The following KHDRBS2 variants were observed in gnomAD, a reference collection of about 807,000 sequenced individuals.
The protein encoded by KHDRBS2 is KH RNA binding domain containing, signal transduction associated 2.
Under a neutral mutation model 44.3 loss-of-function variants are expected in KHDRBS2, and 26 were observed. The observed-to-expected ratio is 0.59, with a 90% CI of 0.43 to 0.81. The LOEUF (loss-of-function observed/expected upper bound fraction) is 0.81, where lower values mean the gene tolerates loss of function less well. Ranked by LOEUF, KHDRBS2 falls within the 40% of genes least tolerant of loss-of-function variation. The pLI, the probability that KHDRBS2 is intolerant of heterozygous loss-of-function variation, is 0.00. For synonymous variants in KHDRBS2, 194 were observed against 151.1 expected (o/e 1.28, Z -2.08); for missense variants, 476 against 433.1 (o/e 1.10, Z -0.88).
intron 2 of KHDRBS2, among the ~76,000 whole-genome samples, chr6:62,088,094 T>C (rs546089641): frequency 1.3e-4 from 20 of 152,346 alleles, no homozygotes; most frequent in African/African-American, 4.8e-4. Context: ...GCAATTCCTC[T>C]AACCTCTTCT....
chr6:62,152,835 A>G (rs1584969595), intron 2 of KHDRBS2, among the ~76,000 whole-genome samples: 1 of 152,312 alleles, frequency 6.6e-6, no homozygotes. Context: ...CTTGTGCATG[A>G]CAAGCAACCT....
intron 8 of KHDRBS2, among the ~76,000 whole-genome samples, chr6:61,683,327 TA>T (rs1444915025): frequency 1.3e-5 from 2 of 151,908 alleles, no homozygotes; most frequent in Non-Finnish European, 2.9e-5. Context: ...TGACTTTTTC[TA>T]AATCTCTAGG....
At chr6:62,151,997 T>A (rs1166591977) in intron 2 of KHDRBS2, among the ~76,000 whole-genome samples, 1 of 152,156 alleles carries the variant, frequency 6.6e-6, no homozygotes, top group Non-Finnish European at 1.5e-5. Context: ...TCTCCATACC[T>A]TAGTGTTTTC....
chr6:61,722,577 C>T (rs866486433), intron 7 of KHDRBS2, among the ~76,000 whole-genome samples: 1 of 152,064 alleles, frequency 6.6e-6, no homozygotes, highest in East Asian at 1.9e-4. Context: ...TATCTTAGTT[C>T]TACTAAGTCA....
chr6:61,899,969 A>T (rs73487368), intron 5 of KHDRBS2, among the ~76,000 whole-genome samples: 13,257 of 152,026 alleles, frequency 0.087, 591 homozygotes, highest in Middle Eastern at 0.15. Flanking sequence ...TTACAAAACA[A>T]CCCATAAAAA....
chr6:61,581,835 A>G, the KHDRBS2 span, among the ~76,000 whole-genome samples: 11 of 151,364 alleles, frequency 7.3e-5, no homozygotes, highest in Non-Finnish European at 1.3e-4. Context: ...CTTTATACCC[A>G]AGATCAAAAA....
intron 2 of KHDRBS2, among the ~76,000 whole-genome samples, chr6:62,061,918 T>C (rs1792028661): frequency 6.6e-6 from 1 of 151,796 alleles, no homozygotes; most frequent in Non-Finnish European, 1.5e-5. Flanking sequence ...CTTCATTTCA[T>C]TTATTTCATC....
chr6:61,985,347 A>G (rs1004637517), intron 3 of KHDRBS2, among the ~76,000 whole-genome samples: 1 of 152,138 alleles, frequency 6.6e-6, no homozygotes, highest in Admixed American at 6.6e-5. Context: ...CTCAAATTTC[A>G]ATATTTCAAA....
At chr6:61,558,908 C>T in the KHDRBS2 span, among the ~76,000 whole-genome samples, 16 of 152,160 alleles carry the variant, frequency 1.1e-4, 2 homozygotes, top group Admixed American at 6.5e-4. Context: ...TTGGTTGAAA[C>T]GTTTTGTAAA....
chr6:61,786,508 CA>C (rs1783833613), intron 6 of KHDRBS2, among the ~76,000 whole-genome samples: 1 of 151,876 alleles, frequency 6.6e-6, no homozygotes, highest in African/African-American at 2.4e-5. Context: ...AAAGATCAAA[CA>C]ATCTGCTAAA....
At chr6:61,628,778 G>T in the KHDRBS2 span, among the ~76,000 whole-genome samples, 5 of 152,250 alleles carry the variant, frequency 3.3e-5, no homozygotes, top group Middle Eastern at 3.4e-3. Flanking sequence ...TTATCAATTG[G>T]CTACTAGTCT....
At chr6:62,105,424 G>C (rs1470182016) in intron 2 of KHDRBS2, among the ~76,000 whole-genome samples, 1 of 152,122 alleles carries the variant, frequency 6.6e-6, no homozygotes, top group Non-Finnish European at 1.5e-5. Context: ...TTTTTGGTTG[G>C]TAAGCTATTG....
chr6:61,993,266 T>G (rs188623933), intron 3 of KHDRBS2, among the ~76,000 whole-genome samples: 1 of 152,106 alleles, frequency 6.6e-6, no homozygotes, highest in Non-Finnish European at 1.5e-5. Flanking sequence ...CTACTAGCCA[T>G]GACAGATGTT....
chr6:62,282,762 T>C (rs544131001), intron 1 of KHDRBS2, among the ~76,000 whole-genome samples: 1 of 152,268 alleles, frequency 6.6e-6, no homozygotes, highest in East Asian at 1.9e-4. Flanking sequence ...TGTGCAGCCA[T>C]TGAATTTTTG....
At chr6:61,607,011 T>C in the KHDRBS2 span, among the ~76,000 whole-genome samples, 1 of 152,042 alleles carries the variant, frequency 6.6e-6, no homozygotes, top group Non-Finnish European at 1.5e-5. Flanking sequence ...AATAGAGTTA[T>C]CAAATAAAAC....
chr6:62,105,794 T>G (rs1175499943), intron 2 of KHDRBS2, among the ~76,000 whole-genome samples: 1 of 152,052 alleles, frequency 6.6e-6, no homozygotes, highest in Non-Finnish European at 1.5e-5. Flanking sequence ...CTGCTCTGAT[T>G]TTAGTTATTT....
intron 6 of KHDRBS2, among the ~76,000 whole-genome samples, chr6:61,780,242 T>C (rs1782727059): frequency 6.6e-6 from 1 of 152,222 alleles, no homozygotes; most frequent in African/African-American, 2.4e-5. Flanking sequence ...GGCTCATGCC[T>C]GTAATCCCAG....
intron 3 of KHDRBS2, among the ~76,000 whole-genome samples, chr6:62,027,647 G>A (rs560671516): frequency 5.5e-4 from 84 of 152,124 alleles, no homozygotes; most frequent in African/African-American, 2.0e-3. Flanking sequence ...AGGGTTTAAA[G>A]AATGACTTAA....
At chr6:61,547,792 T>C in the KHDRBS2 span, among the ~76,000 whole-genome samples, 1 of 152,132 alleles carries the variant, frequency 6.6e-6, no homozygotes, top group African/African-American at 2.4e-5. Flanking sequence ...GGGACTTGTT[T>C]AAACTCCTAT....
Sources: gnomAD v4.1 joint callset for allele counts (sites outside exome capture counted in the v4.1 genomes callset) on GRCh38, gnomAD v4.1.1 for gene constraint, MANE v1.5 for transcripts, NCBI Gene and HGNC (gene_info 2026-07-23, HGNC 2026-07-21) for gene names.